Variants in PCDHGA10 observed in about 807,000 individuals in gnomAD.
PCDHGA10 encodes the protein protocadherin gamma-A10.
PCDHGA10 carries 42 observed loss-of-function variants against 59.5 expected under a neutral mutation model. The observed-to-expected ratio is 0.71, with a 90% CI of 0.55 to 0.91. The LOEUF (loss-of-function observed/expected upper bound fraction) is 0.91, where lower values mean the gene tolerates loss of function less well. Among genes scored for constraint, PCDHGA10 ranks in the 40% least tolerant of loss-of-function variants. The pLI, the probability that PCDHGA10 is intolerant of heterozygous loss-of-function variation, is 0.00. For missense variants in PCDHGA10, 1,111 were observed against 1,198.2 expected (o/e 0.93, Z 1.07); for synonymous variants, 511 against 517.2 (o/e 0.99, Z 0.16).
rs1188870363 is a variant in PCDHGA10 at position 141,490,058 on chromosome 5, C to A, written c.2437-4749C>A. 16 of 1,614,230 alleles carry A rather than the reference C, an allele frequency of 9.9e-6. No individual in the cohort carries two copies. In the East Asian group the frequency reaches 3.6e-4, roughly 36 times the overall value. The stretch of plus-strand genomic sequence containing the variant: ...AATGCCACTGATCCAGACGAGGGCA[C>A]CAACGGCCAACTAGACTATTCTTTT... On this transcript the variant is annotated intron_variant, in intron 1 of 3. Coordinates refer to ENST00000398610, the MANE Select transcript of PCDHGA10 (RefSeq NM_018913.3). This position sits in a 1 kb window ranked among gnomAD's most constrained non-coding sequence, Gnocchi z 5.4.
intron 1 of PCDHGA10, chr5:141,468,632 C>G (rs1385644482): frequency 6.6e-6 from 1 of 151,628 alleles, no homozygotes; most frequent in Non-Finnish European, 1.5e-5. Context: ...TTTGGGAGGC[C>G]GAGGTGGGCG....
chr5:141,421,709 C>T, intron 1 of PCDHGA10: 1 of 1,613,926 alleles, frequency 6.2e-7, no homozygotes, highest in Non-Finnish European at 8.5e-7. Flanking sequence ...GCTAGGGATC[C>T]AGATGTGGGC....
Position 141,485,434 on chromosome 5 carries a change from G to T in PCDHGA10, c.2437-9373G>T. The stretch of plus-strand genomic sequence containing the variant: ...TGGACAGCGGAGCCCTGCTCATCAA[G>T]AACCCAATCGACCGAGAGGCACTGT... On this transcript the variant is annotated intron_variant, in intron 1 of 3. Transcript: ENST00000398610. This position sits in a 1 kb window ranked among gnomAD's most constrained non-coding sequence, Gnocchi z 5.7. The T allele has an allele frequency of 6.2e-7, 1 of 1,614,166 alleles. No homozygotes were observed. The highest frequency in any genetic ancestry group is 1.6e-4 in the Middle Eastern group (1 of 6,062).
In PCDHGA10 at chr5:141,490,679, A is replaced by C; in HGVS notation, c.2437-4128A>C. On this transcript the variant is annotated intron_variant, in intron 1 of 3. Coordinates refer to ENST00000398610, the MANE Select transcript of PCDHGA10 (RefSeq NM_018913.3). The surrounding 1 kb of genome is among the most constrained non-coding windows in gnomAD (Gnocchi z 5.4). ...CTTCTTTGCACTGTGGCTGCCTCAG[A>C]TCCAGACACTGGGGATAATGCCCGC... 6.2e-7 allele frequency: 1 copy of C among 1,614,164 alleles called. No individual in the cohort carries two copies. The highest frequency in any genetic ancestry group is 8.5e-7 in the Non-Finnish European group (1 of 1,180,034).
rs2099884413 is a variant in PCDHGA10, at chr5:141,512,781, G to A, written c.*1608G>A. ...CCTTGATCTGCCCGCGGCGGCCCGT[G>A]TTGTGTTTTGTGCTGTGTCCACGCG... is the stretch of plus-strand genomic sequence containing the variant. On this transcript the variant is annotated 3_prime_UTR_variant, in exon 4 of 4. Transcript: ENST00000398610. 1 of 152,534 alleles carries A rather than the reference G, an allele frequency of 6.6e-6. No individual in the cohort carries two copies. Among genetic ancestry groups the A allele is most frequent in the African/African-American group, 2.4e-5 (1 of 41,444 alleles). 9.4% of individuals were successfully genotyped at this position (152,534 alleles called of 1,614,324 possible). A position where few individuals can be genotyped will look rare whatever the true frequency, so the allele number is the denominator to read the frequency against.
At position 141,492,010 on chromosome 5, in the gene PCDHGA10, G is replaced by A. The variant is rs2099736138; in HGVS notation, c.2437-2797G>A. 2 of 617,370 alleles carry A rather than the reference G, an allele frequency of 3.2e-6. 1 individual carries two copies. Among genetic ancestry groups the A allele is most frequent in the Middle Eastern group, 8.7e-4 (2 of 2,312 alleles). The allele number at this position is 617,370 out of a possible 1,614,324, so 38.2% of individuals were successfully genotyped here. On this transcript the variant is annotated intron_variant, in intron 1 of 3. Transcript: ENST00000398610. Reference sequence around the variant, plus strand: ...GGTGAATTTCGGGCGATTTCCGCGGGTGTCGGGGGTCCCGGGAGGAGGCAG... The same window carrying A: ...GGTGAATTTCGGGCGATTTCCGCGGATGTCGGGGGTCCCGGGAGGAGGCAG...
rs1168649993 is a variant in PCDHGA10, at chr5:141,432,243, C to G, written c.2436+16632C>G. On this transcript the variant is annotated intron_variant, in intron 1 of 3. Transcript: ENST00000398610. The surrounding 1 kb of genome is among the most constrained non-coding windows in gnomAD (Gnocchi z 6.0). ...ATCACTTATTCCCTGGCTGAGAACA[C>G]CATCCAAGGGGCAAGCCTATCGTCC... 1 of 1,614,244 alleles carries G rather than the reference C, an allele frequency of 6.2e-7. No individual in the cohort carries two copies. Among genetic ancestry groups the G allele is most frequent in the Non-Finnish European group, 8.5e-7 (1 of 1,180,050 alleles).
chr5:141,466,984 C>A (rs2099133455), intron 1 of PCDHGA10, among the ~76,000 whole-genome samples: 1 of 151,586 alleles, frequency 6.6e-6, no homozygotes, highest in Non-Finnish European at 1.5e-5. Context: ...CATCATTTAC[C>A]TTTTGGCATT....
intron 1 of PCDHGA10, chr5:141,418,939 C>G: frequency 6.2e-7 from 1 of 1,613,760 alleles, no homozygotes; most frequent in Non-Finnish European, 8.5e-7. Context: ...TGGAGGATTC[C>G]CCTCCAGGAG....
intron 1 of PCDHGA10, chr5:141,417,651 A>G (rs2154547111): frequency 1.2e-6 from 1 of 822,038 alleles, no homozygotes; most frequent in Non-Finnish European, 1.8e-6. Flanking sequence ...CTCAGCCTCT[A>G]GCCTGGGATT....
At chr5:141,421,895 G>C in intron 1 of PCDHGA10, 1 of 1,613,730 alleles carries the variant, frequency 6.2e-7, no homozygotes, top group Non-Finnish European at 8.5e-7. Context: ...GATCCCATCC[G>C]AAAGGGCGCA....
At chr5:141,482,675 A>G (rs1258898440) in intron 1 of PCDHGA10, among the ~76,000 whole-genome samples, 1 of 149,114 alleles carries the variant, frequency 6.7e-6, no homozygotes, top group African/African-American at 2.5e-5. Context: ...AAGGTTGAGT[A>G]GTAGCTTGTC....
In PCDHGA10 at chr5:141,431,140, C is replaced by G. The variant is rs145692116; in HGVS notation, c.2436+15529C>G. The G allele has an allele frequency of 6.2e-7, 1 of 1,614,208 alleles. No individual in the cohort carries two copies. The highest frequency in any genetic ancestry group is 1.7e-5 in the Admixed American group (1 of 60,038). On this transcript the variant is annotated intron_variant, in intron 1 of 3. Transcript: ENST00000398610. This position sits in a 1 kb window ranked among gnomAD's most constrained non-coding sequence, Gnocchi z 4.8. The stretch of plus-strand genomic sequence containing the variant: ...TAGAAGTAGAAGTAAGGGACATTAA[C>G]GACAATGCGCCTTACTTTCGTGAAA...
chr5:141,494,142 A>AAGACAACT (rs2099752181), intron 1 of PCDHGA10, among the ~76,000 whole-genome samples: 5 of 152,090 alleles, frequency 3.3e-5, no homozygotes, highest in Admixed American at 6.5e-5. Context: ...TTAGTCACAG[A>AAGACAACT]CCATTGTCTG....
intron 2 of PCDHGA10, among the ~76,000 whole-genome samples, chr5:141,499,689 CTTTTTTT>C (rs545067566): frequency 8.3e-6 from 1 of 119,856 alleles, no homozygotes; most frequent in Non-Finnish European, 1.7e-5. Flanking sequence ...TAACAGATGA[CTTTTTTT>C]TTTTTTTTTT....
chr5:141,419,414 GCCTTCGACCACGAGCAGCTGCGCA>G, intron 1 of PCDHGA10: 1 of 1,613,428 alleles, frequency 6.2e-7, no homozygotes, highest in South Asian at 1.1e-5. Context: ...CGCGCAGCGC[GCCTTCGACCACGAGCAGCTGCGCA>G]CCTTCGAGCT....
At chr5:141,435,995 A>C (rs1033174115) in intron 1 of PCDHGA10, among the ~76,000 whole-genome samples, 2 of 152,144 alleles carry the variant, frequency 1.3e-5, no homozygotes, top group African/African-American at 4.8e-5. Context: ...TGATTTTTTG[A>C]AAGAAAGTAT....
intron 1 of PCDHGA10, among the ~76,000 whole-genome samples, chr5:141,480,272 G>A (rs903112862): frequency 7.2e-6 from 1 of 138,796 alleles, no homozygotes; most frequent in African/African-American, 3.0e-5. Flanking sequence ...TTCATTAGCT[G>A]GGTGTGTTGG....
intron 1 of PCDHGA10, chr5:141,420,367 T>C: frequency 7.3e-7 from 1 of 1,360,684 alleles, no homozygotes; most frequent in Non-Finnish European, 9.7e-7. Flanking sequence ...CTAGATAACT[T>C]CTTCATAGAG....
Sources: gnomAD v4.1 joint callset for allele counts (sites outside exome capture counted in the v4.1 genomes callset) on GRCh38, gnomAD v4.1.1 for gene constraint, Gnocchi (gnomAD v3.1) non-coding constraint, MANE v1.5 for transcripts, NCBI Gene and HGNC (gene_info 2026-07-23, HGNC 2026-07-21) for gene names.